HMCN2: variants seen among roughly 807,000 people sequenced by gnomAD.
HMCN2 encodes hemicentin 2.
In HMCN2, 325 loss-of-function variants were observed where a neutral mutation model predicts 377.5. That is an observed-to-expected ratio of 0.86 (90% CI 0.79 to 0.94). The LOEUF is 0.94. Ranked by LOEUF, HMCN2 falls within the 40% of genes least tolerant of loss-of-function variation. The pLI, the probability that HMCN2 is intolerant of heterozygous loss-of-function variation, is 0.00. For synonymous variants in HMCN2, 2,007 were observed against 2,046.8 expected (o/e 0.98, Z 0.53); for missense variants, 4,543 against 4,725.3 (o/e 0.96, Z 1.13).
At chr9:130,410,550 C>T in intron 84 of HMCN2, 21 bp from the exon 85 acceptor site, 1 of 1,549,126 alleles carries the variant, frequency 6.5e-7, no homozygotes, top group Non-Finnish European at 8.7e-7. Context: ...ACCATGCCTC[C>T]TCTCCTGTGC....
intron 62 of HMCN2, among the ~76,000 whole-genome samples, chr9:130,389,022 A>G (rs546576395): frequency 1.3e-5 from 2 of 152,212 alleles, no homozygotes; most frequent in Admixed American, 1.3e-4. Context: ...GAAGCCCCAC[A>G]TGGTCTCCTG....
chr9:130,401,021 A>C, intron 77 of HMCN2, 74 bp downstream of exon 77: 178 of 1,193,066 alleles, frequency 1.5e-4, no homozygotes, highest in Non-Finnish European at 1.7e-4. Context: ...GTGAAAGGTC[A>C]CATGGCGGAA....
chr9:130,273,230 ATGAGTATT>A (rs1385936276), intron 1 of HMCN2, among the ~76,000 whole-genome samples: 1 of 151,910 alleles, frequency 6.6e-6, no homozygotes, highest in Non-Finnish European at 1.5e-5. Context: ...TTTTTTACAA[ATGAGTATT>A]GCTAGTATGT....
intron 54 of HMCN2, among the ~76,000 whole-genome samples, chr9:130,379,699 A>G (rs1841596564): frequency 6.6e-6 from 1 of 152,144 alleles, no homozygotes; most frequent in Admixed American, 6.5e-5. Flanking sequence ...AAGATCTGTA[A>G]TGTCCTTAAA....
intron 1 of HMCN2, among the ~76,000 whole-genome samples, chr9:130,273,847 T>C (rs1428204554): frequency 1.3e-5 from 2 of 152,224 alleles, no homozygotes; most frequent in Non-Finnish European, 2.9e-5. Context: ...ATATTGATTC[T>C]TGGTTTGAGT....
chr9:130,380,597 G>T (rs907032790), intron 54 of HMCN2, among the ~76,000 whole-genome samples: 8 of 152,024 alleles, frequency 5.3e-5, no homozygotes, highest in Non-Finnish European at 5.9e-5. Flanking sequence ...GACCAGCCTG[G>T]GCAACATCGT....
chr9:130,424,031 G>C (rs1428429829), intron 87 of HMCN2, among the ~76,000 whole-genome samples: 1 of 151,578 alleles, frequency 6.6e-6, no homozygotes, highest in Non-Finnish European at 1.5e-5. Context: ...CCAGGCTGGA[G>C]TGCAAGTGGT....
intron 1 of HMCN2, among the ~76,000 whole-genome samples, chr9:130,267,300 T>A (rs1554919477): frequency 6.7e-6 from 1 of 149,090 alleles, no homozygotes; most frequent in East Asian, 2.0e-4. Context: ...GGGAGAAACA[T>A]ACATGGAACC....
In HMCN2 at chr9:130,348,643, C is replaced by T. The variant is rs2131510410; in HGVS notation, c.4123C>T (p.Pro1375Ser). ...LECDANGFPVPEIVWLKDAQL... is the reference protein window; with the variant it reads ...LECDANGFPVSEIVWLKDAQL... ...GTGTGACGCGAACGGCTTTCCAGTC[C>T]CTGAGATCGTGTGGCTGAAGGACGC... The change falls in exon 27 of 98, where the codon CCT (proline) becomes TCT (serine). Residue 1375 changes from proline to serine, a missense_variant. Coordinates refer to ENST00000683500, the MANE Select transcript of HMCN2 (RefSeq NM_001291815.2). 1 of 1,304,268 alleles carries T rather than the reference C, an allele frequency of 7.7e-7. No individual in the cohort carries two copies. The highest frequency in any genetic ancestry group is 1.2e-5 in the South Asian group (1 of 81,020). The allele number at this position is 1,304,268 out of a possible 1,614,324, so 80.8% of individuals were successfully genotyped here. A position where few individuals can be genotyped will look rare whatever the true frequency, so the allele number is the denominator to read the frequency against.
Position 130,362,901 on chromosome 9 carries a change from G to A in HMCN2, c.6143G>A (p.Ser2048Asn). ...FPGGRVLTLASARASDSGRYS... is the reference protein window; with the variant it reads ...FPGGRVLTLANARASDSGRYS... ...GGGGGCCGGGTCCTCACCTTGGCTA[G>A]TGCCCGGGCCTCCGACTCTGGGAGG... is the stretch of plus-strand genomic sequence containing the variant. The change falls in exon 40 of 98, where the codon AGT becomes AAT. Residue 2048 changes from serine to asparagine, a missense_variant. Physicochemically the swap from Ser to Asn is conservative, Grantham distance 46. Transcript: ENST00000683500. 1 of 985,970 alleles carries A rather than the reference G, an allele frequency of 1.0e-6. No homozygotes were observed. The highest frequency in any genetic ancestry group is 1.2e-6 in the Non-Finnish European group (1 of 829,976). 61.1% of individuals were successfully genotyped at this position (985,970 alleles called of 1,614,324 possible).
At chr9:130,290,290 G>A (rs1835683670) in intron 4 of HMCN2, among the ~76,000 whole-genome samples, 1 of 152,184 alleles carries the variant, frequency 6.6e-6, no homozygotes. Flanking sequence ...ACTCCCAAGT[G>A]GGGATATGCT....
At chr9:130,374,998 G>A (rs1299539621) in intron 49 of HMCN2, among the ~76,000 whole-genome samples, 1 of 152,190 alleles carries the variant, frequency 6.6e-6, no homozygotes, top group Non-Finnish European at 1.5e-5. Flanking sequence ...CCCCAGGGTG[G>A]TGGGTTCACA....
At chr9:130,368,965 C>G (rs965635767) in intron 44 of HMCN2, among the ~76,000 whole-genome samples, 40 of 152,074 alleles carry the variant, frequency 2.6e-4, no homozygotes, top group Non-Finnish European at 5.1e-4. Flanking sequence ...TTTTAACTGC[C>G]CCTCCCACAC....
rs530094369 is a variant in HMCN2 at position 130,350,280 on chromosome 9, T to C, written c.4430+617T>C. ...GGCTGGGTGTGGTGGCTCACGCCTG[T>C]AATCCCAGCATTTTGGGAGGCCAAG... On this transcript the variant is annotated intron_variant, in intron 29 of 97. Transcript: ENST00000683500. Among the ~76,000 whole-genome samples, 536 of 149,380 alleles carry C rather than the reference T, an allele frequency of 3.6e-3. 3 individuals carry two copies. Among genetic ancestry groups the C allele is most frequent in the Non-Finnish European group, 4.5e-3 (303 of 67,622 alleles).
At chr9:130,370,865 A>G (rs1840983644) in intron 45 of HMCN2, 99 bp from the exon 46 acceptor site, 8 of 722,264 alleles carry the variant, frequency 1.1e-5, no homozygotes, top group South Asian at 6.3e-5. Flanking sequence ...GACTCTCCCA[A>G]TTGGGTGGAG....
intron 95 of HMCN2, 117 bp from the exon 96 acceptor site, chr9:130,431,250 A>G (rs1844734522): frequency 4.8e-6 from 5 of 1,043,318 alleles, no homozygotes; most frequent in South Asian, 1.6e-5. Flanking sequence ...GGACAGGGAG[A>G]AGGAGCAGGG....
chr9:130,391,918 T>C lies in HMCN2; in HGVS notation c.9953-17T>C. 1.0e-6 allele frequency: 1 copy of C among 987,412 alleles called. No individual in the cohort carries two copies. The allele number at this position is 987,412 out of a possible 1,614,324, so 61.2% of individuals were successfully genotyped here. A position where few individuals can be genotyped will look rare whatever the true frequency, so the allele number is the denominator to read the frequency against. On this transcript the variant is annotated splice_polypyrimidine_tract_variant and intron_variant, in intron 65 of 97. Transcript: ENST00000683500. ...CAAGACCTCCGCACTACCCCTCTTT[T>C]TTCTACCCACCCTCAGTTCCTCCCA...
At position 130,382,176 on chromosome 9, in the gene HMCN2, C is replaced by T. The variant is rs1259137068; in HGVS notation, c.8432-8C>T. 3 of 984,126 alleles carry T rather than the reference C, an allele frequency of 3.0e-6. No homozygotes were observed. The highest frequency in any genetic ancestry group is 4.7e-5 in the South Asian group (1 of 21,260). The allele number at this position is 984,126 out of a possible 1,614,324, so 61.0% of individuals were successfully genotyped here. A position where few individuals can be genotyped will look rare whatever the true frequency, so the allele number is the denominator to read the frequency against. ...CTGAGCCCAGGCCTCTGTCCCGTGT[C>T]CCTGCAGGAGGCCGGGTCCTGCAGA... On this transcript the variant is annotated splice_region_variant and splice_polypyrimidine_tract_variant and intron_variant, in intron 54 of 97. Transcript: ENST00000683500.
At chr9:130,305,029 C>T in intron 11 of HMCN2, 27 bp downstream of exon 11, 1 of 459,346 alleles carries the variant, frequency 2.2e-6, no homozygotes, top group Non-Finnish European at 4.6e-6. Flanking sequence ...TGCTGCTGTT[C>T]CCCTAATTCA....
Sources: gnomAD v4.1 joint callset for allele counts (sites outside exome capture counted in the v4.1 genomes callset) on GRCh38, gnomAD v4.1.1 for gene constraint, MANE v1.5 for transcripts, NCBI Gene and HGNC (gene_info 2026-07-23, HGNC 2026-07-21) for gene names.